Variants in MEGF6 observed in about 807,000 individuals in gnomAD.
The protein encoded by MEGF6 is multiple EGF like domains 6, also known as multiple epidermal growth factor-like domains protein 6.
MEGF6 carries 184 observed loss-of-function variants against 207.1 expected under a neutral mutation model. That is an observed-to-expected ratio of 0.89 (90% confidence interval 0.79 to 1.00). The LOEUF is 1.00. MEGF6 is among the 50% of genes least tolerant of loss of function. The probability of loss-of-function intolerance (pLI) is 0.00; values close to 1 mark genes in which losing one functional copy is unlikely to be tolerated. For synonymous variants in MEGF6, 1,038 were observed against 910.0 expected, an observed-to-expected ratio of 1.14 and a Z score of -2.53; for missense variants, 2,282 against 2,202.9, an observed-to-expected ratio of 1.04 and a Z score of -0.72.
intron 15 of MEGF6, 79 bp downstream of exon 15, chr1:3,506,029 A>G (rs1641100645): frequency 2.7e-6 from 4 of 1,488,768 alleles, no homozygotes; most frequent in Non-Finnish European, 3.6e-6. Context: ...CCTAACCCAG[A>G]CTACAGGTAA....
In MEGF6 at chr1:3,562,153, G is replaced by C. The variant is rs533206898; in HGVS notation, c.481+17672C>G. The stretch of plus-strand genomic sequence containing the variant: ...TCTCTCAGCCTATTTCCGTGTCTCT[G>C]TCTCTTTTTGTGTCTCTCTCTGTCC... On this transcript the variant is annotated intron_variant, in intron 4 of 36. Transcript: ENST00000356575. Among the ~76,000 whole-genome samples the C allele has an allele frequency of 3.0e-3, 464 of 152,292 alleles. 19 individuals are homozygous for C. In the South Asian group the frequency reaches 0.094, roughly 31 times the overall value.
In MEGF6 at chr1:3,490,848, C is replaced by T; in HGVS notation, c.4564+64G>A. The T allele has an allele frequency of 2.0e-6, 3 of 1,536,392 alleles. No individual in the cohort carries two copies. In the Admixed American group the frequency reaches 5.9e-5, roughly 30 times the overall value. ...GGGGCCCAGATTATACTTAAGCACT[C>T]TTCGTTGACTTTGCCATAACCCACC... On this transcript the variant is annotated intron_variant, in intron 36 of 36. Transcript: ENST00000356575.
intron 10 of MEGF6, among the ~76,000 whole-genome samples, 158 bp downstream of exon 10, chr1:3,510,625 C>G (rs1204697808): frequency 6.6e-6 from 1 of 152,076 alleles, no homozygotes; most frequent in Non-Finnish European, 1.5e-5. Context: ...GCCCTGCACA[C>G]AGCAGGCGCT....
chr1:3,600,070 C>T (rs1373032645), intron 2 of MEGF6, among the ~76,000 whole-genome samples: 5 of 152,286 alleles, frequency 3.3e-5, no homozygotes, highest in African/African-American at 9.6e-5. Context: ...TGTGGGGTCC[C>T]GCCTCAGCTG....
intron 4 of MEGF6, among the ~76,000 whole-genome samples, chr1:3,535,322 T>C (rs1642293196): frequency 6.6e-6 from 1 of 152,178 alleles, no homozygotes; most frequent in Admixed American, 6.5e-5. Context: ...TTGTCTTTTC[T>C]GCCCCAAAAC....
At chr1:3,599,925 A>G (rs770107656) in intron 2 of MEGF6, among the ~76,000 whole-genome samples, 3 of 152,136 alleles carry the variant, frequency 2.0e-5, no homozygotes, top group Non-Finnish European at 4.4e-5. Flanking sequence ...GGCCCAGGAA[A>G]TACTGTCAGC....
chr1:3,489,397 G>A lies in MEGF6; in HGVS notation c.*1131C>T, dbSNP rs1640262620. Among the ~76,000 whole-genome samples the A allele has an allele frequency of 6.6e-6, 1 of 152,170 alleles. No homozygotes were observed. ...AGTCCTATGTTGCGGTGTGAGTGCA[G>A]CCCTCTCCATTGGCCACCCCACTCT... On this transcript the variant is annotated 3_prime_UTR_variant, in exon 37 of 37. Coordinates refer to ENST00000356575, the MANE Select transcript of MEGF6 (RefSeq NM_001409.4).
At chr1:3,528,804 C>G (rs1314332467) in intron 4 of MEGF6, among the ~76,000 whole-genome samples, 1 of 152,150 alleles carries the variant, frequency 6.6e-6, no homozygotes, top group African/African-American at 2.4e-5. Flanking sequence ...CTAGAGCCTC[C>G]AGAAGGAGCA....
intron 17 of MEGF6, among the ~76,000 whole-genome samples, chr1:3,503,446 C>A (rs1415568863): frequency 1.3e-5 from 2 of 151,968 alleles, no homozygotes; most frequent in South Asian, 2.1e-4. Context: ...ACCACAGGCT[C>A]TTAAAGAAAA....
In MEGF6 at chr1:3,497,068, G is replaced by C; in HGVS notation, c.3533C>G (p.Pro1178Arg). Residue 1178 changes from proline to arginine, a missense_variant, in exon 28 of 37, where the codon CCC becomes CGC. Physicochemically the swap from Pro to Arg is moderately radical, Grantham distance 103 (BLOSUM62 -2). Transcript: ENST00000356575. ...AGGGTGGCAGGCCGGGTTCTCACCG[G>C]GACACTGGCACATCTGCGCACAGTC... ...GEDCAQMCQC[P>R]GENPACHPAT... The C allele has an allele frequency of 6.4e-7, 1 of 1,565,006 alleles. No individual in the cohort carries two copies. The highest frequency in any genetic ancestry group is 8.7e-7 in the Non-Finnish European group (1 of 1,155,826).
chr1:3,558,114 ACT>A (rs1643089631), intron 4 of MEGF6, among the ~76,000 whole-genome samples: 1 of 151,972 alleles, frequency 6.6e-6, no homozygotes, highest in South Asian at 2.1e-4. Flanking sequence ...GACCCTCAGC[ACT>A]CACTGCCTGC....
At chr1:3,616,348 C>T (rs552068015), upstream of MEGF6, among the ~76,000 whole-genome samples, 1 of 152,332 alleles carries the variant, frequency 6.6e-6, no homozygotes, top group South Asian at 2.1e-4. Context: ...GTCATTGATG[C>T]TAAAGGTGTT....
chr1:3,490,925 T>C lies in MEGF6; in HGVS notation c.4551A>G (p.Leu1517=). The change falls in exon 36 of 37, where the codon TTA becomes TTG. Residue 1517 remains leucine (L), a synonymous_variant. Transcript: ENST00000356575. ...GPLRLPENPS[L]AQGSAGTLPA... ...CACACCCCTTACCTGAGCCCTGGGC[T>C]AAGGACGGGTTCTCGGGGAGCCGGA... The C allele has an allele frequency of 6.3e-7, 1 of 1,599,990 alleles. No homozygotes were observed. Among genetic ancestry groups the C allele is most frequent in the Non-Finnish European group, 8.5e-7 (1 of 1,174,038 alleles).
chr1:3,514,454 G>A, intron 7 of MEGF6, 96 bp downstream of exon 7: 2 of 1,430,134 alleles, frequency 1.4e-6, no homozygotes, highest in Non-Finnish European at 1.9e-6. Flanking sequence ...GGTCTCATGG[G>A]AGGCCACGGC....
At chr1:3,559,611 G>A (rs1486572717) in intron 4 of MEGF6, among the ~76,000 whole-genome samples, 2 of 151,990 alleles carry the variant, frequency 1.3e-5, no homozygotes, top group African/African-American at 2.4e-5. Context: ...TTGGGAGTGG[G>A]ACGGTGGGAG....
chr1:3,517,590 G>C (rs935034061), intron 5 of MEGF6, among the ~76,000 whole-genome samples: 5 of 152,214 alleles, frequency 3.3e-5, no homozygotes, highest in African/African-American at 1.2e-4. Context: ...CCCCTGCGTG[G>C]CCAGTGCCCA....
upstream of MEGF6, among the ~76,000 whole-genome samples, chr1:3,613,713 G>A (rs899337641): frequency 2.6e-5 from 4 of 152,152 alleles, no homozygotes; most frequent in South Asian, 2.1e-4. Flanking sequence ...CCCTCTGGAA[G>A]AAAAATCATA....
At chr1:3,521,405 C>T (rs1177230311) in intron 5 of MEGF6, among the ~76,000 whole-genome samples, 3 of 152,204 alleles carry the variant, frequency 2.0e-5, no homozygotes, top group Non-Finnish European at 2.9e-5. Flanking sequence ...ACTGGGTGGG[C>T]AGTGCCCTCT....
At chr1:3,612,364 G>A (rs904040272), upstream of MEGF6, among the ~76,000 whole-genome samples, 1 of 151,072 alleles carries the variant, frequency 6.6e-6, no homozygotes, top group African/African-American at 2.5e-5. Context: ...TCTAGGGTGA[G>A]GCTTCTGCGA....
Sources: gnomAD v4.1 joint callset for allele counts (sites outside exome capture counted in the v4.1 genomes callset) on GRCh38, gnomAD v4.1.1 for gene constraint, MANE v1.5 for transcripts, NCBI Gene and HGNC (gene_info 2026-07-23, HGNC 2026-07-21) for gene names.